Variants in LAMA2 observed in about 807,000 individuals in gnomAD.
LAMA2 encodes the protein laminin subunit alpha 2, also known as laminin subunit alpha-2.
A neutral mutation model predicts 364.8 loss-of-function variants in LAMA2; 269 were observed. That is an observed-to-expected ratio of 0.74 (90% CI 0.67 to 0.82). The LOEUF is 0.82. LAMA2 is among the 40% of genes least tolerant of loss of function. The pLI, the probability that LAMA2 is intolerant of heterozygous loss-of-function variation, is 0.00. For synonymous variants in LAMA2, 1,379 were observed against 1,370.6 expected, an observed-to-expected ratio of 1.01 and a Z score of -0.14; for missense variants, 3,807 against 3,873.2, an observed-to-expected ratio of 0.98 and a Z score of 0.45.
chr6:129,507,404 G>T, intron 61 of LAMA2, 85 bp from the exon 62 acceptor site: 1 of 1,397,944 alleles, frequency 7.2e-7, no homozygotes, highest in South Asian at 1.2e-5. Context: ...TACACACATA[G>T]AGCACCCTGC....
chr6:129,440,845 G>A lies in LAMA2; in HGVS notation c.6115G>A (p.Asp2039Asn). The A allele has an allele frequency of 6.2e-7, 1 of 1,613,862 alleles. No individual in the cohort carries two copies. Among genetic ancestry groups the A allele is most frequent in the Non-Finnish European group, 8.5e-7 (1 of 1,179,876 alleles). The change falls in exon 43 of 65, where the codon GAC becomes AAC. Residue 2039 changes from aspartate to asparagine, a missense_variant. Transcript: ENST00000421865. Reference protein sequence around the residue: ...DTAAKLQAVKDKARQANDTAK... With the variant: ...DTAAKLQAVKNKARQANDTAK... The stretch of plus-strand genomic sequence containing the variant: ...AGCTGCTAAACTGCAAGCTGTTAAG[G>A]ACAAAGCCAGACAAGCCAACGACAC...
intron 13 of LAMA2, 24 bp downstream of exon 13, chr6:129,250,237 C>T (rs1414153243): frequency 2.2e-6 from 3 of 1,348,392 alleles, no homozygotes; most frequent in South Asian, 1.2e-5. Flanking sequence ...AGCATGTTCA[C>T]CCGTGTTACT....
chr6:129,436,393 T>C (rs73778093), intron 41 of LAMA2, among the ~76,000 whole-genome samples: 3,902 of 152,294 alleles, frequency 0.026, 172 homozygotes, highest in African/African-American at 0.089. Context: ...TTCACATCCA[T>C]ATCCGCTCAT....
Position 128,923,394 on chromosome 6 carries a change from G to A in LAMA2, c.112+40037G>A, listed in dbSNP as rs561973777. ...TCCTCTTTTATTTCCTTGAGCAGTG[G>A]TTTGTAGTTCTCCTTGAAGAGGTCC... On this transcript the variant is annotated intron_variant, in intron 1 of 64. Transcript: ENST00000421865. Among the ~76,000 whole-genome samples, 6 of 150,740 alleles carry A rather than the reference G, an allele frequency of 4.0e-5. No individual in the cohort carries two copies. The East Asian group carries it at 1.2e-3, about 29-fold the overall frequency.
At chr6:128,926,034 A>G (rs867945018) in intron 1 of LAMA2, among the ~76,000 whole-genome samples, 58 of 152,284 alleles carry the variant, frequency 3.8e-4, no homozygotes, top group Middle Eastern at 6.8e-3. Context: ...ATTCTCATGA[A>G]ATATTCATGA....
intron 4 of LAMA2, among the ~76,000 whole-genome samples, chr6:129,133,390 G>A (rs868772106): frequency 6.6e-6 from 1 of 152,122 alleles, no homozygotes; most frequent in Non-Finnish European, 1.5e-5. Flanking sequence ...GAAGAATGGA[G>A]ACTAGGTAAA....
chr6:129,477,144 C>T (rs1051003193), intron 53 of LAMA2, among the ~76,000 whole-genome samples: 1 of 152,156 alleles, frequency 6.6e-6, no homozygotes, highest in Non-Finnish European at 1.5e-5. Context: ...CTTCTATATA[C>T]CTTCACTATT....
chr6:128,908,862 C>A (rs1253292254), intron 1 of LAMA2, among the ~76,000 whole-genome samples: 1 of 148,254 alleles, frequency 6.7e-6, no homozygotes, highest in Non-Finnish European at 1.5e-5. Context: ...TTTCAAAGAA[C>A]ATCTTTATTT....
intron 1 of LAMA2, among the ~76,000 whole-genome samples, chr6:128,941,607 A>G (rs1445411861): frequency 6.6e-6 from 1 of 152,246 alleles, no homozygotes; most frequent in African/African-American, 2.4e-5. Context: ...TTAAAATACA[A>G]TTTTCAAGGT....
chr6:129,173,320 C>T (rs531481161), intron 9 of LAMA2, among the ~76,000 whole-genome samples: 2 of 152,228 alleles, frequency 1.3e-5, no homozygotes, highest in Non-Finnish European at 2.9e-5. Flanking sequence ...GTATCATTCA[C>T]AACACCTCCC....
At chr6:129,311,660 A>G (rs1774241340) in intron 22 of LAMA2, among the ~76,000 whole-genome samples, 1 of 152,238 alleles carries the variant, frequency 6.6e-6, no homozygotes. Flanking sequence ...ATGACATTTT[A>G]GAAATTCACT....
At chr6:129,062,511 A>G (rs1788995779) in intron 3 of LAMA2, among the ~76,000 whole-genome samples, 1 of 152,094 alleles carries the variant, frequency 6.6e-6, no homozygotes, top group East Asian at 1.9e-4. Context: ...CTTCTATGGG[A>G]TAATATAGCC....
At chr6:129,395,167 T>C (rs916803766) in intron 37 of LAMA2, among the ~76,000 whole-genome samples, 35 of 151,956 alleles carry the variant, frequency 2.3e-4, no homozygotes, top group African/African-American at 8.0e-4. Context: ...ACACTCTCCC[T>C]GGGCTAATCT....
At chr6:129,315,975 A>G in intron 26 of LAMA2, 25 bp downstream of exon 26, 1 of 1,613,452 alleles carries the variant, frequency 6.2e-7, no homozygotes, top group Admixed American at 1.7e-5. Flanking sequence ...TGTTTGGTGC[A>G]AAGATACCAA....
chr6:128,938,155 T>A (rs1200974562), intron 1 of LAMA2, among the ~76,000 whole-genome samples: 1 of 152,108 alleles, frequency 6.6e-6, no homozygotes, highest in Admixed American at 6.6e-5. Context: ...ACAAGGTATT[T>A]AGCTTTAGGT....
chr6:129,102,130 CT>C (rs10713380), intron 4 of LAMA2, among the ~76,000 whole-genome samples: 31,109 of 129,736 alleles, frequency 0.24, 3,261 homozygotes, highest in African/African-American at 0.46. Flanking sequence ...TTCTTTCTTT[CT>C]TTTTTTTTTT....
intron 51 of LAMA2, 55 bp downstream of exon 51, chr6:129,465,344 C>T (rs1783489616): frequency 7.2e-7 from 1 of 1,390,578 alleles, no homozygotes; most frequent in Non-Finnish European, 1.0e-6. Flanking sequence ...ATCCAAAGTG[C>T]ACATGTACCT....
chr6:128,939,024 C>A (rs184822678), intron 1 of LAMA2, among the ~76,000 whole-genome samples: 2 of 152,186 alleles, frequency 1.3e-5, no homozygotes, highest in African/African-American at 4.8e-5. Context: ...TTATTTGGAA[C>A]AGTTATTCAG....
rs1383142380 is a variant in LAMA2 at position 129,165,453 on chromosome 6, A to T, written c.1207-123A>T. 1.1e-5 allele frequency: 7 copies of T among 632,896 alleles called. No homozygotes were observed. The African/African-American group carries it at 1.3e-4, about 12-fold the overall frequency. The allele number at this position is 632,896 out of a possible 1,614,324, so 39.2% of individuals were successfully genotyped here. ...AACATGTATTAAAGGTAATTCTTATAGTTTTCTCAATAATTTGCTGCTCTG... is the reference window on the plus strand; with the variant it reads ...AACATGTATTAAAGGTAATTCTTATTGTTTTCTCAATAATTTGCTGCTCTG... On this transcript the variant is annotated intron_variant, in intron 8 of 64. Coordinates refer to ENST00000421865, the MANE Select transcript of LAMA2 (RefSeq NM_000426.4).
Sources: allele counts gnomAD v4.1 joint callset (sites outside exome capture counted in the v4.1 genomes callset), GRCh38; gene constraint gnomAD v4.1.1; transcripts MANE v1.5; gene names NCBI Gene and HGNC (gene_info 2026-07-23, HGNC 2026-07-21).